TLK1: variants seen among roughly 807,000 people sequenced by gnomAD.
TLK1 encodes the protein serine/threonine-protein kinase tousled-like 1.
In TLK1, 24 loss-of-function variants were observed where a neutral mutation model predicts 105.3. That is an observed-to-expected ratio of 0.23 (90% CI 0.17 to 0.32). The LOEUF is 0.32. TLK1 is among the 10% of genes least tolerant of loss of function. The pLI is 1.00. For synonymous variants in TLK1, 321 were observed against 310.4 expected, an observed-to-expected ratio of 1.03 and a Z score of -0.36; for missense variants, 558 against 910.5, an observed-to-expected ratio of 0.61 and a Z score of 4.98.
chr2:171,136,587 G>T (rs1201114883), intron 1 of TLK1, among the ~76,000 whole-genome samples: 1 of 152,040 alleles, frequency 6.6e-6, no homozygotes, highest in Non-Finnish European at 1.5e-5. Context: ...GAAAGGAAAA[G>T]AAAAGGCTAA....
chr2:171,038,388 T>C (rs906862993), intron 11 of TLK1, among the ~76,000 whole-genome samples: 5 of 152,176 alleles, frequency 3.3e-5, no homozygotes, highest in South Asian at 4.1e-4. Context: ...TTCTAACTTA[T>C]TGAAATAGAT....
At chr2:171,149,769 G>GTACCT in intron 1 of TLK1, among the ~76,000 whole-genome samples, 1 of 152,206 alleles carries the variant, frequency 6.6e-6, no homozygotes, top group South Asian at 2.1e-4. Context: ...AGCAGGATAT[G>GTACCT]GTGGCGTGCA....
At chr2:171,076,404 T>C (rs970054489) in intron 3 of TLK1, among the ~76,000 whole-genome samples, 1 of 152,092 alleles carries the variant, frequency 6.6e-6, no homozygotes, top group African/African-American at 2.4e-5. Flanking sequence ...GATCCTCACC[T>C]GATGCTTGAC....
chr2:171,121,837 C>T (rs1690667812), intron 1 of TLK1, among the ~76,000 whole-genome samples: 1 of 152,168 alleles, frequency 6.6e-6, no homozygotes, highest in African/African-American at 2.4e-5. Context: ...GGACCTCAAC[C>T]CTCTTCATGA....
chr2:171,040,461 A>G (rs1161535662), intron 11 of TLK1, among the ~76,000 whole-genome samples: 1 of 152,138 alleles, frequency 6.6e-6, no homozygotes, highest in East Asian at 1.9e-4. Context: ...TTTCTGCTCA[A>G]TTCTGCTGTA....
intron 1 of TLK1, among the ~76,000 whole-genome samples, chr2:171,122,921 C>G (rs943586597): frequency 7.9e-5 from 12 of 151,834 alleles, no homozygotes; most frequent in African/African-American, 1.7e-4. Flanking sequence ...TGCCTGTAAT[C>G]CCAGCTACTT....
chr2:171,205,337 T>G (rs199911789), intron 1 of TLK1, among the ~76,000 whole-genome samples: 7 of 136,432 alleles, frequency 5.1e-5, no homozygotes, highest in African/African-American at 1.8e-4. Context: ...TTTTTTTTTT[T>G]CCCCCAACAG....
At chr2:171,097,980 G>T (rs1032806527) in intron 2 of TLK1, among the ~76,000 whole-genome samples, 19 of 151,892 alleles carry the variant, frequency 1.3e-4, no homozygotes, top group African/African-American at 4.4e-4. Context: ...GAGGGAGAGA[G>T]AAAGAGAGAG....
chr2:171,052,599 G>T (rs890936732), intron 8 of TLK1, among the ~76,000 whole-genome samples: 1 of 152,024 alleles, frequency 6.6e-6, no homozygotes, highest in Non-Finnish European at 1.5e-5. Flanking sequence ...AAACAAGCTG[G>T]GCAAAAGGGT....
chr2:171,066,421 A>G (rs1224529502), intron 3 of TLK1, among the ~76,000 whole-genome samples: 1 of 152,194 alleles, frequency 6.6e-6, no homozygotes, highest in Non-Finnish European at 1.5e-5. Flanking sequence ...TAACCACCCA[A>G]CTAAAATATG....
intron 3 of TLK1, among the ~76,000 whole-genome samples, chr2:171,070,786 C>G (rs1426071022): frequency 1.3e-5 from 2 of 152,156 alleles, no homozygotes; most frequent in East Asian, 1.9e-4. Flanking sequence ...GGGTATATAT[C>G]TAGCAGTGGA....
intron 18 of TLK1, among the ~76,000 whole-genome samples, chr2:171,000,166 G>A (rs923631196): frequency 2.6e-5 from 4 of 151,816 alleles, no homozygotes; most frequent in Non-Finnish European, 2.9e-5. Context: ...ACAGGAGGTC[G>A]GCAGTTTGAG....
intron 18 of TLK1, among the ~76,000 whole-genome samples, chr2:170,999,844 G>A (rs1026126965): frequency 6.6e-6 from 1 of 151,900 alleles, no homozygotes; most frequent in South Asian, 2.1e-4. Context: ...CTGCAGCCTC[G>A]ATCTCCAAGC....
intron 1 of TLK1, among the ~76,000 whole-genome samples, chr2:171,177,380 G>C (rs1456945246): frequency 6.7e-6 from 1 of 149,596 alleles, no homozygotes; most frequent in African/African-American, 2.5e-5. Context: ...TAGGCTCAAG[G>C]GATCCACCTG....
At chr2:171,069,752 G>A (rs1367093317) in intron 3 of TLK1, among the ~76,000 whole-genome samples, 2 of 152,200 alleles carry the variant, frequency 1.3e-5, no homozygotes, top group African/African-American at 2.4e-5. Context: ...TATATGACAT[G>A]TGACGACATC....
At chr2:171,042,597 A>C (rs1247041562) in intron 11 of TLK1, among the ~76,000 whole-genome samples, 4 of 152,106 alleles carry the variant, frequency 2.6e-5, no homozygotes, top group Non-Finnish European at 5.9e-5. Context: ...TACACCAAAC[A>C]CTGTGCTAGG....
At chr2:171,203,283 T>C (rs1241452299) in intron 1 of TLK1, among the ~76,000 whole-genome samples, 1 of 152,124 alleles carries the variant, frequency 6.6e-6, no homozygotes. Flanking sequence ...TCATATTTTG[T>C]GTAAATAGTC....
At chr2:171,112,219 G>C (rs796915393) in intron 2 of TLK1, among the ~76,000 whole-genome samples, 6 of 152,246 alleles carry the variant, frequency 3.9e-5, no homozygotes, top group African/African-American at 1.2e-4. Context: ...CAAAGTGCTG[G>C]GATTACAGGT....
chr2:171,128,358 T>C (rs1186070428), intron 1 of TLK1, among the ~76,000 whole-genome samples: 1 of 151,578 alleles, frequency 6.6e-6, no homozygotes, highest in Non-Finnish European at 1.5e-5. Context: ...AGTTCTTTAA[T>C]CTCTCTCTAT....
Sources: gnomAD v4.1 joint callset for allele counts (sites outside exome capture counted in the v4.1 genomes callset) on GRCh38, gnomAD v4.1.1 for gene constraint, MANE v1.5 for transcripts, NCBI Gene and HGNC (gene_info 2026-07-23, HGNC 2026-07-21) for gene names.